TNFRSF1B: variants seen among roughly 807,000 people sequenced by gnomAD.
TNFRSF1B encodes the protein tumor necrosis factor receptor superfamily member 1B.
In TNFRSF1B, 19 loss-of-function variants were observed where a neutral mutation model predicts 44.6. The observed-to-expected ratio is 0.43, with a 90% confidence interval of 0.30 to 0.62. The LOEUF is 0.62. Ranked by LOEUF, TNFRSF1B falls within the 20% of genes least tolerant of loss-of-function variation. TNFRSF1B has a pLI of 0.16. For synonymous variants in TNFRSF1B, 252 were observed against 261.1 expected (o/e 0.97, Z 0.34); for missense variants, 541 against 619.9 (o/e 0.87, Z 1.35).
intron 1 of TNFRSF1B, among the ~76,000 whole-genome samples, chr1:12,184,059 C>T (rs890978715): frequency 6.6e-6 from 1 of 152,234 alleles, no homozygotes; most frequent in African/African-American, 2.4e-5. Context: ...CTCATTTTAA[C>T]ATGTCAAAGA....
rs1638484141 is a variant in TNFRSF1B at position 12,169,898 on chromosome 1, A to G, written c.78+2729A>G. 6.6e-6 allele frequency among the ~76,000 whole-genome samples: 1 copy of G among 152,068 alleles called. No individual in the cohort carries two copies. Among genetic ancestry groups the G allele is most frequent in the Non-Finnish European group, 1.5e-5 (1 of 68,010 alleles). On this transcript the variant is annotated intron_variant, in intron 1 of 9. Transcript: ENST00000376259. This position sits in a 1 kb window ranked among gnomAD's most constrained non-coding sequence, Gnocchi z 4.5. ...CCTACCCCTGGAAGTCTTGGTGCTG[A>G]GGTGCCACTATTTGCCTCCTCATCA... is the stretch of plus-strand genomic sequence containing the variant.
chr1:12,167,247 G>A, intron 1 of TNFRSF1B, 78 bp downstream of exon 1: 1 of 1,096,424 alleles, frequency 9.1e-7, no homozygotes. Context: ...CGGGTGCCCG[G>A]GCCGCGCTCT....
chr1:12,191,654 G>C, intron 3 of TNFRSF1B, 120 bp from the exon 4 acceptor site: 1 of 1,289,240 alleles, frequency 7.8e-7, no homozygotes, highest in Non-Finnish European at 1.1e-6. Context: ...TGTGCCCCAT[G>C]CTGAGGCGGT....
At chr1:12,202,633 A>G (rs5746057) in intron 9 of TNFRSF1B, among the ~76,000 whole-genome samples, 1 of 152,180 alleles carries the variant, frequency 6.6e-6, no homozygotes, top group Non-Finnish European at 1.5e-5. Context: ...CCAGCTACTG[A>G]TAATTAATCA....
chr1:12,183,756 G>GCTAT (rs1638901975), intron 1 of TNFRSF1B, among the ~76,000 whole-genome samples: 1 of 82,686 alleles, frequency 1.2e-5, no homozygotes, highest in Admixed American at 1.1e-4. Flanking sequence ...TATCTAGCTA[G>GCTAT]CTAGCTAGCT....
chr1:12,174,122 T>TTTCTTCTTCTTCTTC (rs541359943), intron 1 of TNFRSF1B, among the ~76,000 whole-genome samples: 1,165 of 66,718 alleles, frequency 0.017, 93 homozygotes, highest in East Asian at 0.029. Context: ...TGAGACTCCA[T>TTTCTTCTTCTTCTTC]TTCTTCTTCT....
At chr1:12,183,011 G>A (rs968163271) in intron 1 of TNFRSF1B, among the ~76,000 whole-genome samples, 17 of 152,228 alleles carry the variant, frequency 1.1e-4, no homozygotes, top group African/African-American at 3.9e-4. Flanking sequence ...TTCTGGGATA[G>A]CCTTGGGCAC....
chr1:12,182,938 A>T (rs1638843821), intron 1 of TNFRSF1B, among the ~76,000 whole-genome samples: 1 of 152,150 alleles, frequency 6.6e-6, no homozygotes. Context: ...TGGAGGGGGA[A>T]GGGAAGCTCT....
At chr1:12,192,567 C>T in intron 5 of TNFRSF1B, 43 bp downstream of exon 5, 1 of 1,583,932 alleles carries the variant, frequency 6.3e-7, no homozygotes, top group Non-Finnish European at 8.7e-7. Context: ...CAGGGAGGGG[C>T]TGTCCCTGGG....
intron 9 of TNFRSF1B, 53 bp downstream of exon 9, chr1:12,202,224 AC>A: frequency 6.5e-7 from 1 of 1,528,370 alleles, no homozygotes; most frequent in South Asian, 1.2e-5. Context: ...GGTCTTTCTC[AC>A]CTGGTTTCTG....
In TNFRSF1B at chr1:12,185,893, G is replaced by C. The variant is rs560964552; in HGVS notation, c.79-2903G>C. 1.1e-4 allele frequency among the ~76,000 whole-genome samples: 17 copies of C among 152,320 alleles called. No individual in the cohort carries two copies. In the East Asian group the frequency reaches 3.3e-3, roughly 29 times the overall value. On this transcript the variant is annotated intron_variant, in intron 1 of 9. Transcript: ENST00000376259. ...TCCCATCTAGCGAGGGGCCCAGGGA[G>C]GCCATGAGGAGAGCCATGAGGGAGG...
In TNFRSF1B at chr1:12,188,846, A is replaced by G; in HGVS notation, c.129A>G (p.Arg43=). 3 of 1,613,898 alleles carry G rather than the reference A, an allele frequency of 1.9e-6. No homozygotes were observed. The highest frequency in any genetic ancestry group is 1.7e-4 in the Middle Eastern group (1 of 6,056). The stretch of plus-strand genomic sequence containing the variant: ...AGCCCGGGAGCACATGCCGGCTCAG[A>G]GAATACTATGACCAGACAGCTCAGA... ...APEPGSTCRL[R]EYYDQTAQMC... is the part of the protein sequence containing the mutation. The change falls in exon 2 of 10, where the codon AGA becomes AGG. Residue 43 remains arginine (R), a synonymous_variant. Transcript: ENST00000376259.
chr1:12,191,482 T>C (rs541226538), intron 3 of TNFRSF1B, among the ~76,000 whole-genome samples: 7 of 138,132 alleles, frequency 5.1e-5, no homozygotes, highest in East Asian at 2.1e-4. Flanking sequence ...AGCGGGACTG[T>C]GGGGAGGAGC....
chr1:12,206,787 G>T lies in TNFRSF1B; in HGVS notation c.1153G>T (p.Val385Leu). 1.2e-6 allele frequency: 2 copies of T among 1,611,488 alleles called. No individual in the cohort carries two copies. Among genetic ancestry groups the T allele is most frequent in the South Asian group, 1.1e-5 (1 of 90,814 alleles). The change falls in exon 10 of 10, where the codon GTG becomes TTG. Residue 385 changes from valine (V) to leucine (L), a missense_variant. By Grantham distance (32) the Val-to-Leu change is conservative. Transcript: ENST00000376259. ...GACCCAGGTCAATGTCACCTGCATC[G>T]TGAACGTCTGTAGCAGCTCTGACCA... The part of the protein sequence containing the change: ...HGTQVNVTCI[V>L]NVCSSSDHSS...
intron 1 of TNFRSF1B, 35 bp downstream of exon 1, chr1:12,167,204 C>A (rs1004021960): frequency 5.6e-5 from 69 of 1,234,638 alleles, no homozygotes; most frequent in Non-Finnish European, 6.7e-5. Flanking sequence ...GGGACAGCCG[C>A]CCCGCATGTC....
intron 9 of TNFRSF1B, 24 bp downstream of exon 9, chr1:12,202,195 C>T (rs1462836560): frequency 6.5e-7 from 1 of 1,538,058 alleles, no homozygotes; most frequent in Admixed American, 2.0e-5. Flanking sequence ...GCACACCTGG[C>T]TTCTTCCCAA....
intron 1 of TNFRSF1B, among the ~76,000 whole-genome samples, chr1:12,183,655 T>TC (rs1638865348): frequency 1.5e-5 from 2 of 129,402 alleles, no homozygotes; most frequent in South Asian, 2.6e-4. Context: ...TTTTATCTAT[T>TC]TTATCTATCT....
At chr1:12,183,676 CTAT>C (rs2101092657) in intron 1 of TNFRSF1B, among the ~76,000 whole-genome samples, 2 of 127,168 alleles carry the variant, frequency 1.6e-5, no homozygotes, top group African/African-American at 5.4e-5. Flanking sequence ...ATCTATCTAT[CTAT>C]CTATCTATCT....
intron 1 of TNFRSF1B, among the ~76,000 whole-genome samples, chr1:12,181,294 A>G (rs554613757): frequency 6.6e-6 from 1 of 152,314 alleles, no homozygotes; most frequent in African/African-American, 2.4e-5. Context: ...GGAAGAGCCC[A>G]GTTCCCATGT....
Sources: gnomAD v4.1 joint callset for allele counts (sites outside exome capture counted in the v4.1 genomes callset) on GRCh38, gnomAD v4.1.1 for gene constraint, Gnocchi (gnomAD v3.1) non-coding constraint, MANE v1.5 for transcripts, NCBI Gene and HGNC (gene_info 2026-07-23, HGNC 2026-07-21) for gene names.